The following PRICKLE2 variants were observed in gnomAD, a reference collection of about 807,000 sequenced individuals.
The protein encoded by PRICKLE2 is prickle-like protein 2.
A neutral mutation model predicts 81.4 loss-of-function variants in PRICKLE2; 21 were observed. The observed-to-expected ratio is 0.26, with a 90% confidence interval of 0.18 to 0.37. The LOEUF is 0.37. Ranked by LOEUF, PRICKLE2 falls within the 10% of genes least tolerant of loss-of-function variation. PRICKLE2 has a pLI of 1.00. For synonymous variants in PRICKLE2, 456 were observed against 421.5 expected (o/e 1.08, Z -1.00); for missense variants, 940 against 1,109.0 (o/e 0.85, Z 2.16).
At chr3:64,198,051 A>C (rs772090560) in intron 2 of PRICKLE2, among the ~76,000 whole-genome samples, 1 of 151,628 alleles carries the variant, frequency 6.6e-6, no homozygotes, top group Non-Finnish European at 1.5e-5. Context: ...CTCTACTAAA[A>C]ATACAAGAAA....
Position 64,095,575 on chromosome 3 carries a change from A to G in PRICKLE2, c.*3476T>C, listed in dbSNP as rs970015934. 7 of 152,224 alleles carry G rather than the reference A, an allele frequency of 4.6e-5. No homozygotes were observed. Among genetic ancestry groups the G allele is most frequent in the Non-Finnish European group, 1.0e-4 (7 of 68,056 alleles). The allele number at this position is 152,224 out of a possible 1,614,324, so 9.4% of individuals were successfully genotyped here. ...GAGCACATGCTACATATATGTCATC[A>G]CAGGCCTCACCTGAATTGAACAATA... On this transcript the variant is annotated 3_prime_UTR_variant, in exon 8 of 8. Coordinates refer to ENST00000638394, the MANE Select transcript of PRICKLE2 (RefSeq NM_198859.4).
intron 5 of PRICKLE2, among the ~76,000 whole-genome samples, chr3:64,156,393 CA>C (rs1461194695): frequency 6.6e-6 from 1 of 152,144 alleles, no homozygotes; most frequent in African/African-American, 2.4e-5. Context: ...AAGATAGATG[CA>C]AAAAACTCCT....
intron 2 of PRICKLE2, among the ~76,000 whole-genome samples, chr3:64,247,799 G>T (rs77934954): frequency 1.9e-3 from 292 of 152,294 alleles, no homozygotes; most frequent in African/African-American, 6.7e-3. Context: ...TCTTAGTAAA[G>T]AAATTAATTT....
At chr3:64,167,764 G>C (rs975338213) in intron 2 of PRICKLE2, among the ~76,000 whole-genome samples, 6 of 152,160 alleles carry the variant, frequency 3.9e-5, no homozygotes, top group African/African-American at 1.4e-4. Flanking sequence ...TTTATTTAGA[G>C]CACTGGTTCT....
intron 1 of PRICKLE2, chr3:64,199,834 T>C (rs185438332): frequency 6.6e-6 from 1 of 152,136 alleles, no homozygotes; most frequent in Non-Finnish European, 1.5e-5. Context: ...AAAAAAAGAA[T>C]AGAGGAGGAA....
chr3:64,116,981 T>A (rs529682280), intron 7 of PRICKLE2, among the ~76,000 whole-genome samples: 2 of 152,260 alleles, frequency 1.3e-5, no homozygotes, highest in Admixed American at 1.3e-4. Context: ...CAGCAGCACA[T>A]CAAAAAGCTT....
At chr3:64,186,524 G>C (rs1377407994) in intron 2 of PRICKLE2, among the ~76,000 whole-genome samples, 1 of 152,198 alleles carries the variant, frequency 6.6e-6, no homozygotes, top group Non-Finnish European at 1.5e-5. Context: ...TCTTCCATGA[G>C]ACACTTTCTA....
rs553667673 is a variant in PRICKLE2, at chr3:64,208,038, C to T, written c.-40-9071G>A. On this transcript the variant is annotated intron_variant, in intron 1 of 7. Transcript: ENST00000638394. Reference sequence around the variant, plus strand: ...TCTTCACATGCACGCACAACACCAGCCTAAAATGAACCAAACATTCTTCTC... The same window carrying T: ...TCTTCACATGCACGCACAACACCAGTCTAAAATGAACCAAACATTCTTCTC... 9.9e-5 allele frequency among the ~76,000 whole-genome samples: 15 copies of T among 152,282 alleles called. 1 individual carries two copies. In the South Asian group the frequency reaches 3.1e-3, roughly 32 times the overall value.
At chr3:64,111,324 A>C (rs2076843417) in intron 7 of PRICKLE2, among the ~76,000 whole-genome samples, 1 of 152,236 alleles carries the variant, frequency 6.6e-6, no homozygotes, top group African/African-American at 2.4e-5. Context: ...CATATATGAA[A>C]TTGCTGGGCA....
At chr3:64,219,782 A>G (rs1239237395) in intron 1 of PRICKLE2, among the ~76,000 whole-genome samples, 1 of 152,212 alleles carries the variant, frequency 6.6e-6, no homozygotes, top group Non-Finnish European at 1.5e-5. Context: ...GAAGCCTAGA[A>G]TGGTGGACAG....
intron 7 of PRICKLE2, chr3:64,100,151 G>A (rs2076634764): frequency 3.5e-6 from 2 of 569,754 alleles, no homozygotes; most frequent in South Asian, 4.4e-5. Context: ...TTCCAGAGAT[G>A]TATTTTACCA....
intron 7 of PRICKLE2, among the ~76,000 whole-genome samples, chr3:64,119,798 T>C (rs897659144): frequency 1.3e-5 from 2 of 152,202 alleles, no homozygotes; most frequent in African/African-American, 4.8e-5. Flanking sequence ...AAAGACATGG[T>C]ATCAACCTAG....
chr3:64,117,315 G>C (rs2076950312), intron 7 of PRICKLE2, among the ~76,000 whole-genome samples: 1 of 152,058 alleles, frequency 6.6e-6, no homozygotes, highest in South Asian at 2.1e-4. Flanking sequence ...TCTCTCACCA[G>C]TCCTATTCAA....
chr3:64,261,748 G>C (rs748358576), intron 2 of PRICKLE2, among the ~76,000 whole-genome samples: 5 of 152,166 alleles, frequency 3.3e-5, no homozygotes, highest in Admixed American at 1.3e-4. Context: ...GGTGCCAGTA[G>C]CCAGGTAGGA....
At chr3:64,250,104 T>A (rs1249000450) in intron 2 of PRICKLE2, among the ~76,000 whole-genome samples, 1 of 152,224 alleles carries the variant, frequency 6.6e-6, no homozygotes, top group African/African-American at 2.4e-5. Flanking sequence ...AACCACAGCA[T>A]CACCAATCAG....
At chr3:64,210,169 G>T (rs1227833235) in intron 1 of PRICKLE2, among the ~76,000 whole-genome samples, 1 of 152,042 alleles carries the variant, frequency 6.6e-6, no homozygotes, top group South Asian at 2.1e-4. Flanking sequence ...AGGAAACTTC[G>T]CGTCCTCCCT....
At position 64,097,249 on chromosome 3, in the gene PRICKLE2, T is replaced by C. The variant is rs1187970210; in HGVS notation, c.*1802A>G. The C allele has an allele frequency of 6.6e-6, 1 of 152,624 alleles. No homozygotes were observed. Among genetic ancestry groups the C allele is most frequent in the African/African-American group, 2.4e-5 (1 of 41,444 alleles). 9.5% of individuals were successfully genotyped at this position (152,624 alleles called of 1,614,324 possible). On this transcript the variant is annotated 3_prime_UTR_variant, in exon 8 of 8. Transcript: ENST00000638394. ...CATCCCGAATGGAGTGCCATTACCA[T>C]GTCCTTTACAGCCTTCCTTTCCTCA... is the stretch of plus-strand genomic sequence containing the variant.
chr3:64,188,535 C>T (rs2078276488), intron 2 of PRICKLE2, among the ~76,000 whole-genome samples: 2 of 152,190 alleles, frequency 1.3e-5, no homozygotes, highest in Admixed American at 6.5e-5. Context: ...ACTAGTGCTA[C>T]TGGTATGGGA....
intron 1 of PRICKLE2, among the ~76,000 whole-genome samples, chr3:64,204,450 C>T (rs1459358746): frequency 3.9e-5 from 6 of 152,086 alleles, no homozygotes; most frequent in African/African-American, 1.4e-4. Context: ...TTGATCAACC[C>T]TAAATAGTGA....
Sources: allele counts gnomAD v4.1 joint callset (sites outside exome capture counted in the v4.1 genomes callset), GRCh38; gene constraint gnomAD v4.1.1; transcripts MANE v1.5; gene names NCBI Gene and HGNC (gene_info 2026-07-23, HGNC 2026-07-21).